The following ZNF43 variants were observed in gnomAD, a reference collection of about 807,000 sequenced individuals.
ZNF43 encodes zinc finger protein 39-like 1 (KOX 27).
ZNF43 carries 44 observed loss-of-function variants against 68.4 expected under a neutral mutation model. That is an observed-to-expected ratio of 0.64 (90% confidence interval 0.51 to 0.83). The LOEUF (loss-of-function observed/expected upper bound fraction) is 0.83. Ranked by LOEUF, ZNF43 falls within the 40% of genes least tolerant of loss-of-function variation. ZNF43 has a pLI of 0.00. For missense variants in ZNF43, 896 were observed against 933.2 expected (o/e 0.96, Z 0.52); for synonymous variants, 308 against 307.8 (o/e 1.00, Z -0.01).
chr19:21,834,396 T>C (rs116736619), intron 1 of ZNF43, among the ~76,000 whole-genome samples: 3,441 of 151,762 alleles, frequency 0.023, 142 homozygotes, highest in African/African-American at 0.076. Context: ...GAGATTTTTA[T>C]TTTTTACAAA....
intron 1 of ZNF43, among the ~76,000 whole-genome samples, chr19:21,821,930 TTC>T (rs778116426): frequency 1.4e-4 from 21 of 152,146 alleles, no homozygotes; most frequent in African/African-American, 4.8e-4. Context: ...AGCCATTTTT[TTC>T]TCTGTCTCTG....
At chr19:21,824,593 C>G (rs1315478349) in intron 1 of ZNF43, among the ~76,000 whole-genome samples, 1 of 152,060 alleles carries the variant, frequency 6.6e-6, no homozygotes, top group Non-Finnish European at 1.5e-5. Flanking sequence ...GAATCCCAGG[C>G]AGAGGCCAAA....
chr19:21,818,276 T>C (rs1249348755), intron 2 of ZNF43, among the ~76,000 whole-genome samples: 1 of 151,922 alleles, frequency 6.6e-6, no homozygotes, highest in Non-Finnish European at 1.5e-5. Flanking sequence ...TTAATTTTTG[T>C]ATTTTTAGTA....
At chr19:21,822,621 C>A (rs566876234) in intron 1 of ZNF43, among the ~76,000 whole-genome samples, 5 of 151,838 alleles carry the variant, frequency 3.3e-5, no homozygotes, top group African/African-American at 1.2e-4. Context: ...CTGGCTAACA[C>A]AGTGAAACCC....
intron 1 of ZNF43, among the ~76,000 whole-genome samples, chr19:21,844,347 C>CAAAAAAA (rs57500822): frequency 4.6e-5 from 2 of 43,162 alleles, no homozygotes; most frequent in Non-Finnish European, 1.2e-4. Flanking sequence ...GACTCTGTCT[C>CAAAAAAA]AAAAAAAAAA....
chr19:21,825,642 A>G (rs2038082286), intron 1 of ZNF43, among the ~76,000 whole-genome samples: 1 of 150,104 alleles, frequency 6.7e-6, no homozygotes, highest in Non-Finnish European at 1.5e-5. Flanking sequence ...AGCAAGAGGA[A>G]GAAAGTGGAG....
chr19:21,839,382 C>T (rs1035870546), upstream of ZNF43, among the ~76,000 whole-genome samples: 2 of 142,494 alleles, frequency 1.4e-5, no homozygotes, highest in Non-Finnish European at 3.0e-5. Flanking sequence ...AAGAGCTGGG[C>T]CCAGCTACAT....
At chr19:21,842,889 T>C (rs1967640975) in intron 1 of ZNF43, among the ~76,000 whole-genome samples, 1 of 152,108 alleles carries the variant, frequency 6.6e-6, no homozygotes, top group South Asian at 2.1e-4. Flanking sequence ...CGTCACCCCC[T>C]CTTCTGTGGT....
chr19:21,829,957 A>T (rs775209818), intron 1 of ZNF43, among the ~76,000 whole-genome samples: 43 of 152,162 alleles, frequency 2.8e-4, no homozygotes, highest in Admixed American at 9.2e-4. Flanking sequence ...AAAAATGATA[A>T]AAATATGGAG....
At chr19:21,821,619 A>G (rs1282620842) in intron 1 of ZNF43, among the ~76,000 whole-genome samples, 1 of 152,142 alleles carries the variant, frequency 6.6e-6, no homozygotes, top group Non-Finnish European at 1.5e-5. Flanking sequence ...ACACCTTCCC[A>G]TGTTCAACAA....
intron 3 of ZNF43, chr19:21,811,998 C>T: frequency 2.5e-6 from 1 of 398,614 alleles, no homozygotes; most frequent in Non-Finnish European, 4.4e-6. Context: ...AATTTAACTA[C>T]ACTATACCTC....
At chr19:21,813,768 CT>C (rs1555718859) in intron 3 of ZNF43, among the ~76,000 whole-genome samples, 115 of 148,612 alleles carry the variant, frequency 7.7e-4, no homozygotes, top group Middle Eastern at 3.6e-3. Context: ...GTGAAAAGTA[CT>C]TTTTTTTTTT....
Position 21,819,236 on chromosome 19 carries a change from A to G in ZNF43, c.4-15T>C, listed in dbSNP as rs754865480. 2 of 1,576,626 alleles carry G rather than the reference A, an allele frequency of 1.3e-6. No individual in the cohort carries two copies. The highest frequency in any genetic ancestry group is 1.4e-5 in the African/African-American group (1 of 72,568). On this transcript the variant is annotated splice_polypyrimidine_tract_variant and intron_variant, in intron 1 of 3. Transcript: ENST00000354959. ...GTCAATGGTCCCTAAAAAAAACAAC[A>G]CATACACACACAAACACACACATTT...
intron 1 of ZNF43, among the ~76,000 whole-genome samples, chr19:21,827,523 G>A (rs76366771): frequency 0.087 from 13,159 of 151,142 alleles, 633 homozygotes; most frequent in Middle Eastern, 0.16. Flanking sequence ...CACCATACCT[G>A]GCTAATTTTT....
intron 1 of ZNF43, among the ~76,000 whole-genome samples, chr19:21,844,724 C>T (rs910236344): frequency 4.0e-5 from 6 of 150,432 alleles, no homozygotes; most frequent in East Asian, 2.0e-4. Flanking sequence ...GGTGAAACCC[C>T]GTCTCTACTA....
At chr19:21,834,953 A>T (rs2038627377) in intron 1 of ZNF43, among the ~76,000 whole-genome samples, 1 of 151,424 alleles carries the variant, frequency 6.6e-6, no homozygotes, top group Non-Finnish European at 1.5e-5. Context: ...AAAAAAAAAA[A>T]AAAATAGCCC....
At position 21,809,454 on chromosome 19, in the gene ZNF43, T is replaced by G. The variant is rs373217150; in HGVS notation, c.583A>C (p.Ile195Leu). The G allele has an allele frequency of 1.3e-5, 21 of 1,613,770 alleles. No homozygotes were observed. The African/African-American group carries it at 2.8e-4, about 22-fold the overall frequency. The change falls in exon 4 of 4, where the codon ATT (isoleucine) becomes CTT (leucine). Residue 195 changes from isoleucine (I) to leucine (L), a missense_variant. Ile to Leu is a conservative substitution (Grantham distance 5, BLOSUM62 2). Transcript: ENST00000354959. ...MLPHLAQHKI[I>L]HTRVNFCKCE... is the part of the protein sequence containing the mutation. ...TTGCAGAAATTCACTCTGGTATGAATTATTTTATGTTGAGCTAGATGTGGA... is the reference window on the plus strand; with the variant it reads ...TTGCAGAAATTCACTCTGGTATGAAGTATTTTATGTTGAGCTAGATGTGGA...
chr19:21,847,357 A>C (rs1490439960), intron 1 of ZNF43, among the ~76,000 whole-genome samples: 1 of 152,152 alleles, frequency 6.6e-6, no homozygotes, highest in Non-Finnish European at 1.5e-5. Flanking sequence ...GAGTCACATC[A>C]CCTTGATGTT....
At position 21,813,768 on chromosome 19, in the gene ZNF43, C is replaced by CAT. The variant is rs35336272; in HGVS notation, c.230-3962_230-3961insAT. Among the ~76,000 whole-genome samples, 255 of 148,822 alleles carry CAT rather than the reference C, an allele frequency of 1.7e-3. 2 individuals are homozygous for CAT. Among genetic ancestry groups the CAT allele is most frequent in the African/African-American group, 5.7e-3 (235 of 41,026 alleles). Reference sequence around the variant, plus strand: ...ATATTTTTATCATGAGTGAAAAGTACTTTTTTTTTTTTAAGACAGGTTCTC... The same window carrying CAT: ...ATATTTTTATCATGAGTGAAAAGTACATTTTTTTTTTTTTAAGACAGGTTCTC... On this transcript the variant is annotated intron_variant, in intron 3 of 3. Coordinates refer to ENST00000354959, the MANE Select transcript of ZNF43 (RefSeq NM_003423.4).
Sources: allele counts gnomAD v4.1 joint callset (sites outside exome capture counted in the v4.1 genomes callset), GRCh38; gene constraint gnomAD v4.1.1; transcripts MANE v1.5; gene names NCBI Gene and HGNC (gene_info 2026-07-23, HGNC 2026-07-21).